MBP: variants seen among roughly 807,000 people sequenced by gnomAD.
MBP encodes Golli-MBP.
MBP carries 16 observed loss-of-function variants against 35.8 expected under a neutral mutation model. That is an observed-to-expected ratio of 0.45 (90% CI 0.30 to 0.68). The LOEUF (loss-of-function observed/expected upper bound fraction) is 0.68, where lower values mean the gene tolerates loss of function less well. Ranked by LOEUF, MBP falls within the 30% of genes least tolerant of loss-of-function variation. The pLI is 0.08. For missense variants in MBP, 380 were observed against 404.7 expected, an observed-to-expected ratio of 0.94 and a Z score of 0.52; for synonymous variants, 143 against 159.6, an observed-to-expected ratio of 0.90 and a Z score of 0.78.
intron 4 of MBP, chr18:76,990,897 A>G: frequency 3.2e-6 from 1 of 315,246 alleles, no homozygotes; most frequent in South Asian, 2.3e-5. Flanking sequence ...TCTATCACCG[A>G]CTCAGTGTGC....
intron 4 of MBP, among the ~76,000 whole-genome samples, chr18:77,000,850 C>T (rs780789481): frequency 6.6e-6 from 1 of 152,180 alleles, no homozygotes; most frequent in Non-Finnish European, 1.5e-5. Context: ...GGCTGCAGGG[C>T]CAAGGCATTT....
At chr18:77,028,629 C>A (rs1459534007) in intron 3 of MBP, among the ~76,000 whole-genome samples, 1 of 78,210 alleles carries the variant, frequency 1.3e-5, no homozygotes, top group Non-Finnish European at 3.4e-5. Context: ...GCTGACCCCC[C>A]CCCACCTCCC....
chr18:77,058,560 C>T (rs1049303858), intron 3 of MBP, among the ~76,000 whole-genome samples: 2 of 152,248 alleles, frequency 1.3e-5, no homozygotes, highest in African/African-American at 4.8e-5. Flanking sequence ...CACCCCCGCC[C>T]CCGCGTGCAG....
At chr18:77,068,725 A>G (rs1159817075) in intron 2 of MBP, among the ~76,000 whole-genome samples, 1 of 152,234 alleles carries the variant, frequency 6.6e-6, no homozygotes, top group African/African-American at 2.4e-5. Flanking sequence ...ACAGTTACTA[A>G]TAAGCAATGA....
chr18:77,123,583 C>T (rs1369361167), intron 1 of MBP, among the ~76,000 whole-genome samples: 1 of 152,204 alleles, frequency 6.6e-6, no homozygotes, highest in Non-Finnish European at 1.5e-5. Context: ...CATTAAAATA[C>T]ATATTCCTGG....
intron 1 of MBP, chr18:77,109,540 C>T (rs952014140): frequency 6.6e-6 from 1 of 152,206 alleles, no homozygotes; most frequent in African/African-American, 2.4e-5. Context: ...TGCAATTTTA[C>T]AAGCAATGGG....
intron 3 of MBP, among the ~76,000 whole-genome samples, chr18:77,065,363 CA>C (rs1334677234): frequency 6.6e-6 from 1 of 152,132 alleles, no homozygotes; most frequent in Non-Finnish European, 1.5e-5. Context: ...CTGGTCTCAT[CA>C]GGGGCCCCAC....
intron 2 of MBP, among the ~76,000 whole-genome samples, chr18:77,104,045 G>A (rs1237500557): frequency 6.6e-6 from 1 of 152,230 alleles, no homozygotes; most frequent in African/African-American, 2.4e-5. Context: ...CAAGGGTTAC[G>A]AATGGGCTGT....
In MBP at chr18:77,017,280, A is replaced by C; in HGVS notation, c.140-12T>G. The C allele has an allele frequency of 6.7e-7, 1 of 1,502,862 alleles. No individual in the cohort carries two copies. Among genetic ancestry groups the C allele is most frequent in the Non-Finnish European group, 8.9e-7 (1 of 1,128,000 alleles). The allele number at this position is 1,502,862 out of a possible 1,614,324, so 93.1% of individuals were successfully genotyped here. A position where few individuals can be genotyped will look rare whatever the true frequency, so the allele number is the denominator to read the frequency against. On this transcript the variant is annotated splice_polypyrimidine_tract_variant and intron_variant, in intron 3 of 8. Coordinates refer to ENST00000355994, the MANE Select transcript of MBP (RefSeq NM_001025101.2). Reference sequence around the variant, plus strand: ...CGCATCTGCCTCTCCTGCAAACAACAATGAGATATGAATACGGGCCTGTGC... The same window carrying C: ...CGCATCTGCCTCTCCTGCAAACAACCATGAGATATGAATACGGGCCTGTGC...
At chr18:77,070,799 A>G (rs1195166851) in intron 2 of MBP, among the ~76,000 whole-genome samples, 1 of 152,064 alleles carries the variant, frequency 6.6e-6, no homozygotes, top group African/African-American at 2.4e-5. Flanking sequence ...CTTCATCAGA[A>G]CCGAGTGGAG....
intron 3 of MBP, among the ~76,000 whole-genome samples, chr18:77,054,040 G>A (rs470695): frequency 0.07 from 10,700 of 152,272 alleles, 493 homozygotes; most frequent in African/African-American, 0.12. Context: ...TTGAGTGGAC[G>A]CGATGACTGC....
intron 2 of MBP, among the ~76,000 whole-genome samples, chr18:77,077,131 C>T (rs537337629): frequency 5.9e-5 from 9 of 151,930 alleles, no homozygotes; most frequent in East Asian, 5.8e-4. Flanking sequence ...GAGGTTGAGG[C>T]GGGAGGATCA....
chr18:77,094,351 A>C (rs532827017), intron 2 of MBP, among the ~76,000 whole-genome samples: 3 of 152,320 alleles, frequency 2.0e-5, no homozygotes, highest in African/African-American at 7.2e-5. Context: ...GTTTTATGGA[A>C]GCACCACACA....
At chr18:77,078,505 C>T (rs11664836) in intron 2 of MBP, among the ~76,000 whole-genome samples, 15,952 of 152,276 alleles carry the variant, frequency 0.1, 982 homozygotes, top group South Asian at 0.18. Flanking sequence ...TCATCAGCTC[C>T]AGCTCCAGCA....
chr18:77,115,424 T>A (rs1313215048), intron 1 of MBP: 50 of 152,186 alleles, frequency 3.3e-4, no homozygotes, highest in Admixed American at 3.3e-3. Flanking sequence ...TAAAATAAAC[T>A]GAATCTTCCC....
At chr18:76,987,080 G>C (rs1203074038) in intron 7 of MBP, 2 of 985,366 alleles carry the variant, frequency 2.0e-6, no homozygotes. Context: ...AGGGAGAGAT[G>C]CAGGGAGGAA....
Position 77,068,080 on chromosome 18 carries a change from A to T in MBP, c.52-1695T>A, listed in dbSNP as rs550602789. Among the ~76,000 whole-genome samples, 60 of 151,968 alleles carry T rather than the reference A, an allele frequency of 3.9e-4. No individual in the cohort carries two copies. The South Asian group carries it at 0.012, about 31-fold the overall frequency. ...CCATTCCCATCCCTGGGCAGACAGG[A>T]GGGGATGGGTGGGTAAGGTCCCCAC... On this transcript the variant is annotated intron_variant, in intron 2 of 8. Coordinates refer to ENST00000355994, the MANE Select transcript of MBP (RefSeq NM_001025101.2).
intron 3 of MBP, among the ~76,000 whole-genome samples, chr18:77,065,093 A>G (rs1466655117): frequency 6.6e-6 from 1 of 152,254 alleles, no homozygotes; most frequent in Non-Finnish European, 1.5e-5. Flanking sequence ...TCAGTCACTC[A>G]TAGGGGAAGC....
rs909875548 is a variant in MBP at position 77,112,191 on chromosome 18, G to A, written c.-25-6905C>T. 4.9e-4 allele frequency among the ~76,000 whole-genome samples: 35 copies of A among 71,798 alleles called. No homozygotes were observed. In the East Asian group the frequency reaches 0.017, roughly 35 times the overall value. The allele number at this position is 71,798 out of a possible 152,430, so 47.1% of individuals were successfully genotyped here. On this transcript the variant is annotated intron_variant, in intron 1 of 8. Coordinates refer to ENST00000355994, the MANE Select transcript of MBP (RefSeq NM_001025101.2). ...CACGCACACACACACACACACACAC[G>A]TGCGCGCGCGGCAAAAAGAAACAGC... is the stretch of plus-strand genomic sequence containing the variant.
Sources: gnomAD v4.1 joint callset for allele counts (sites outside exome capture counted in the v4.1 genomes callset) on GRCh38, gnomAD v4.1.1 for gene constraint, MANE v1.5 for transcripts, NCBI Gene and HGNC (gene_info 2026-07-23, HGNC 2026-07-21) for gene names.